RYR2: variants seen among roughly 807,000 people sequenced by gnomAD.
RYR2 encodes the protein ryanodine receptor 2.
In RYR2, 227 loss-of-function variants were observed where a neutral mutation model predicts 601.1. The observed-to-expected ratio is 0.38, with a 90% CI of 0.34 to 0.42. The LOEUF (loss-of-function observed/expected upper bound fraction) is 0.42, where lower values mean the gene tolerates loss of function less well. RYR2 is among the 10% of genes least tolerant of loss of function. The pLI, the probability that RYR2 is intolerant of heterozygous loss-of-function variation, is 1.00. For synonymous variants in RYR2, 2,223 were observed against 2,175.1 expected (o/e 1.02, Z -0.61); for missense variants, 4,646 against 6,156.5 (o/e 0.75, Z 8.21).
At chr1:237,136,965 C>T (rs186914852) in intron 1 of RYR2, among the ~76,000 whole-genome samples, 59 of 142,700 alleles carry the variant, frequency 4.1e-4, no homozygotes, top group African/African-American at 1.3e-3. Flanking sequence ...TGCAGTGAGC[C>T]GAGATCATGC....
At chr1:237,538,137 C>G (rs1668841169) in intron 25 of RYR2, among the ~76,000 whole-genome samples, 1 of 151,986 alleles carries the variant, frequency 6.6e-6, no homozygotes, top group Non-Finnish European at 1.5e-5. Context: ...CGCCTGTAAT[C>G]CCAGCACTTT....
intron 24 of RYR2, among the ~76,000 whole-genome samples, chr1:237,520,876 A>G (rs1667019123): frequency 6.6e-6 from 1 of 152,078 alleles, no homozygotes; most frequent in Admixed American, 6.6e-5. Flanking sequence ...ACTTTATTAA[A>G]AATACAAAAA....
intron 27 of RYR2, among the ~76,000 whole-genome samples, chr1:237,552,147 G>A (rs990118870): frequency 2.6e-5 from 4 of 152,088 alleles, no homozygotes; most frequent in Admixed American, 6.6e-5. Context: ...TGTGGTACAC[G>A]CATTATGAAT....
intron 3 of RYR2, chr1:237,341,738 C>G (rs1697817076): frequency 2.1e-6 from 1 of 470,296 alleles, no homozygotes; most frequent in African/African-American, 2.0e-5. Flanking sequence ...TCTGTTTCTG[C>G]TACTGTAGTA....
At chr1:237,739,102 G>T (rs1691392311) in intron 79 of RYR2, among the ~76,000 whole-genome samples, 2 of 152,182 alleles carry the variant, frequency 1.3e-5, no homozygotes, top group Non-Finnish European at 2.9e-5. Flanking sequence ...TGAAACAAAA[G>T]AGCTGATGAG....
chr1:237,468,171 A>G (rs1660294601), intron 16 of RYR2, among the ~76,000 whole-genome samples: 1 of 152,040 alleles, frequency 6.6e-6, no homozygotes, highest in Admixed American at 6.6e-5. Flanking sequence ...CAGATTTTCA[A>G]TAGTGATTAT....
chr1:237,403,793 A>G (rs1415577212), intron 10 of RYR2, among the ~76,000 whole-genome samples: 1 of 152,214 alleles, frequency 6.6e-6, no homozygotes, highest in African/African-American at 2.4e-5. Context: ...GAAATACCAA[A>G]AAGAGTTTCT....
intron 56 of RYR2, among the ~76,000 whole-genome samples, chr1:237,661,183 A>C (rs2148847983): frequency 6.6e-6 from 1 of 152,244 alleles, no homozygotes; most frequent in South Asian, 2.1e-4. Flanking sequence ...GTATAGAAGA[A>C]GTAACCAGTT....
intron 100 of RYR2, among the ~76,000 whole-genome samples, chr1:237,811,597 A>T (rs557925183): frequency 6.6e-6 from 1 of 152,322 alleles, no homozygotes; most frequent in African/African-American, 2.4e-5. Flanking sequence ...AAAATTGGGG[A>T]TACATAATAG....
At chr1:237,467,182 TTA>T (rs200864754) in intron 16 of RYR2, among the ~76,000 whole-genome samples, 2,116 of 148,042 alleles carry the variant, frequency 0.014, 39 homozygotes, top group East Asian at 0.1. Flanking sequence ...ATGATATATA[TTA>T]TATATATACC....
At chr1:237,664,504 C>G (rs1172402608) in intron 56 of RYR2, among the ~76,000 whole-genome samples, 1 of 152,206 alleles carries the variant, frequency 6.6e-6, no homozygotes, top group African/African-American at 2.4e-5. Context: ...AGGCACATCT[C>G]ACATGGTGGT....
intron 100 of RYR2, among the ~76,000 whole-genome samples, chr1:237,811,992 T>A (rs975200613): frequency 6.6e-6 from 1 of 152,230 alleles, no homozygotes; most frequent in Non-Finnish European, 1.5e-5. Context: ...AGATTTTTTT[T>A]ATTTGTCAAG....
chr1:237,538,443 A>G (rs1347786440), intron 25 of RYR2, among the ~76,000 whole-genome samples: 1 of 125,408 alleles, frequency 8.0e-6, no homozygotes, highest in Non-Finnish European at 1.6e-5. Context: ...GATGGTATTG[A>G]TGGTATTCGT....
intron 12 of RYR2, among the ~76,000 whole-genome samples, chr1:237,433,705 T>G (rs996303705): frequency 8.5e-5 from 13 of 152,160 alleles, no homozygotes; most frequent in Non-Finnish European, 1.3e-4. Flanking sequence ...ATTCTTGCCC[T>G]CTCTTTACAT....
chr1:237,381,072 C>A (rs1348970333), intron 8 of RYR2, among the ~76,000 whole-genome samples: 1 of 151,460 alleles, frequency 6.6e-6, no homozygotes, highest in Non-Finnish European at 1.5e-5. Flanking sequence ...GAGTGAAATT[C>A]CATCTCAAAA....
At chr1:237,585,984 T>C (rs577968383) in intron 29 of RYR2, among the ~76,000 whole-genome samples, 1 of 152,346 alleles carries the variant, frequency 6.6e-6, no homozygotes, top group Admixed American at 6.5e-5. Context: ...AAATTGACTT[T>C]TAATACATCT....
At chr1:237,272,280 A>T (rs1368394261) in intron 2 of RYR2, among the ~76,000 whole-genome samples, 2 of 151,992 alleles carry the variant, frequency 1.3e-5, no homozygotes, top group Non-Finnish European at 2.9e-5. Context: ...CTGAGGAGAA[A>T]TTGCAGGGGC....
At chr1:237,396,315 G>A (rs1010363337) in intron 10 of RYR2, among the ~76,000 whole-genome samples, 1 of 152,170 alleles carries the variant, frequency 6.6e-6, no homozygotes, top group African/African-American at 2.4e-5. Flanking sequence ...TTGATTTCAA[G>A]TGAGTAACTC....
At chr1:237,100,390 C>T (rs1337951799) in intron 1 of RYR2, among the ~76,000 whole-genome samples, 2 of 146,106 alleles carry the variant, frequency 1.4e-5, no homozygotes, top group Non-Finnish European at 1.5e-5. Flanking sequence ...TTTTTTCTTT[C>T]CTCTCTCTCT....
Sources: gnomAD v4.1 joint callset for allele counts (sites outside exome capture counted in the v4.1 genomes callset) on GRCh38, gnomAD v4.1.1 for gene constraint, MANE v1.5 for transcripts, NCBI Gene and HGNC (gene_info 2026-07-23, HGNC 2026-07-21) for gene names.